The following KCNN2 variants were observed in gnomAD, a reference collection of about 807,000 sequenced individuals.
The protein encoded by KCNN2 is small conductance calcium-activated potassium channel protein 2.
In KCNN2, 24 loss-of-function variants were observed where a neutral mutation model predicts 55.5. That is an observed-to-expected ratio of 0.43 (90% confidence interval 0.31 to 0.61). The LOEUF (loss-of-function observed/expected upper bound fraction) is 0.61, where lower values mean the gene tolerates loss of function less well. Ranked by LOEUF, KCNN2 falls within the 20% of genes least tolerant of loss-of-function variation. The pLI is 0.08. For missense variants in KCNN2, 754 were observed against 853.6 expected (o/e 0.88, Z 1.45); for synonymous variants, 431 against 336.1 (o/e 1.28, Z -3.09).
upstream of KCNN2, among the ~76,000 whole-genome samples, chr5:114,361,766 T>G (rs1457352815): frequency 6.6e-6 from 1 of 151,848 alleles, no homozygotes; most frequent in African/African-American, 2.4e-5. Flanking sequence ...TCTTTTCTCC[T>G]CCCCCTGCAG....
intron 2 of KCNN2, among the ~76,000 whole-genome samples, chr5:114,325,359 C>A (rs1001667872): frequency 6.6e-6 from 1 of 152,166 alleles, no homozygotes; most frequent in Admixed American, 6.5e-5. Flanking sequence ...AATTCTCAAC[C>A]TATCCAGATT....
intron 2 of KCNN2, among the ~76,000 whole-genome samples, chr5:114,288,811 T>C (rs1171592812): frequency 2.6e-5 from 4 of 152,212 alleles, no homozygotes; most frequent in African/African-American, 9.6e-5. Flanking sequence ...ATCCTGTAGG[T>C]TGTCTTTTCA....
At chr5:114,442,060 G>GA (rs1406660301) in intron 3 of KCNN2, among the ~76,000 whole-genome samples, 1 of 151,804 alleles carries the variant, frequency 6.6e-6, no homozygotes, top group African/African-American at 2.4e-5. Context: ...ATTAAAAAGA[G>GA]AAAAAAGCCA....
At chr5:114,108,895 AT>A in intron 1 of KCNN2, among the ~76,000 whole-genome samples, 1 of 152,218 alleles carries the variant, frequency 6.6e-6, no homozygotes, top group South Asian at 2.1e-4. Context: ...AAGTGGAACC[AT>A]TGGGTCATAA....
chr5:114,254,547 G>A (rs986088781), intron 2 of KCNN2, among the ~76,000 whole-genome samples: 2 of 152,168 alleles, frequency 1.3e-5, no homozygotes. Flanking sequence ...GAATGGTTGA[G>A]CTGAAGCAGT....
At chr5:114,482,887 G>T (rs540641244) in intron 5 of KCNN2, among the ~76,000 whole-genome samples, 1 of 152,096 alleles carries the variant, frequency 6.6e-6, no homozygotes, top group African/African-American at 2.4e-5. Flanking sequence ...TGGAGGAGGG[G>T]GTAGGGGGAG....
At chr5:114,319,948 A>G (rs1460264895) in intron 2 of KCNN2, among the ~76,000 whole-genome samples, 1 of 152,220 alleles carries the variant, frequency 6.6e-6, no homozygotes, top group Non-Finnish European at 1.5e-5. Flanking sequence ...CCTTTGATAC[A>G]GAGCTCTGAG....
At chr5:114,265,321 G>A (rs1285594315) in intron 2 of KCNN2, among the ~76,000 whole-genome samples, 1 of 138,880 alleles carries the variant, frequency 7.2e-6, no homozygotes, top group Non-Finnish European at 1.5e-5. Context: ...ACCATCAAGA[G>A]GAGGTGTGTG....
At chr5:114,272,486 T>C (rs1235466221) in intron 2 of KCNN2, among the ~76,000 whole-genome samples, 1 of 151,972 alleles carries the variant, frequency 6.6e-6, no homozygotes, top group Non-Finnish European at 1.5e-5. Context: ...TGTATGTACA[T>C]ATCATATACA....
rs879392203 is a variant in KCNN2, at chr5:114,489,360, ACAAGG to A, written c.2018+2186_2018+2190del. 1.4e-3 allele frequency among the ~76,000 whole-genome samples: 211 copies of A among 152,294 alleles called. 1 individual carries two copies. Among genetic ancestry groups the A allele is most frequent in the Admixed American group, 3.8e-3 (58 of 15,286 alleles). On this transcript the variant is annotated intron_variant, in intron 6 of 7. Coordinates refer to ENST00000673685, the MANE Select transcript of KCNN2 (RefSeq NM_021614.4). ...CCTAAGCAAGTTGCAAATGCACCCT[ACAAGG>A]CATGTCGGCCCTTTCTTAAGGGTGG...
Position 114,155,404 on chromosome 5 carries a change from G to A in KCNN2, c.-270-66076G>A, listed in dbSNP as rs138371396. On this transcript the variant is annotated intron_variant, in intron 1 of 10. Transcript: ENST00000512097. ...TTTATATTTCTTTGGGTGTATACCC[G>A]GTAATGAGATTGCGGGTCAAATGTT... is the stretch of plus-strand genomic sequence containing the variant. Among the ~76,000 whole-genome samples, 66 of 152,174 alleles carry A rather than the reference G, an allele frequency of 4.3e-4. 1 individual carries two copies. The East Asian group carries it at 9.5e-3, about 22-fold the overall frequency.
At chr5:114,432,736 G>T (rs1004391971) in intron 3 of KCNN2, among the ~76,000 whole-genome samples, 2 of 152,196 alleles carry the variant, frequency 1.3e-5, no homozygotes, top group African/African-American at 4.8e-5. Context: ...GCCAGCTGGA[G>T]TTCCGGGTGG....
chr5:114,478,784 A>G (rs942726482), intron 5 of KCNN2, among the ~76,000 whole-genome samples: 1 of 152,162 alleles, frequency 6.6e-6, no homozygotes, highest in Non-Finnish European at 1.5e-5. Flanking sequence ...GAATTTCGTT[A>G]TCTGGCCAAA....
chr5:114,056,098 CAATATTTA>C (rs1229120634), exon 1 of KCNN2: 1 of 353,008 alleles, frequency 2.8e-6, no homozygotes, highest in African/African-American at 2.1e-5. Flanking sequence ...GGATTCGGTT[CAATATTTA>C]GCACAGTCAG....
At chr5:114,378,514 G>T (rs1758009914) in intron 2 of KCNN2, among the ~76,000 whole-genome samples, 1 of 152,198 alleles carries the variant, frequency 6.6e-6, no homozygotes, top group South Asian at 2.1e-4. Context: ...TTTTGTAGGT[G>T]CAAGGCTTTC....
intron 1 of KCNN2, among the ~76,000 whole-genome samples, chr5:114,209,510 G>A (rs979168586): frequency 2.6e-5 from 4 of 152,016 alleles, no homozygotes; most frequent in African/African-American, 9.7e-5. Flanking sequence ...ATTTCAGTAG[G>A]TTTGTGGACT....
rs1750627977 is a variant in KCNN2, at chr5:114,073,927, T to A, written c.-271+17427T>A. On this transcript the variant is annotated intron_variant, in intron 1 of 10. Transcript: ENST00000512097. The stretch of plus-strand genomic sequence containing the variant: ...AATAGACAAAATATGGTTCCCTCAG[T>A]TTTGTACACAGTGACATAGGGTTTC... 2.0e-5 allele frequency among the ~76,000 whole-genome samples: 3 copies of A among 152,146 alleles called. No individual in the cohort carries two copies. In the South Asian group the frequency reaches 6.2e-4, roughly 31 times the overall value.
At chr5:114,440,591 G>A (rs1474861027) in intron 3 of KCNN2, among the ~76,000 whole-genome samples, 2 of 143,638 alleles carry the variant, frequency 1.4e-5, no homozygotes, top group Non-Finnish European at 1.5e-5. Context: ...AAAGAAGGTT[G>A]AACTGAGGAG....
chr5:114,444,461 C>G (rs1760328055), intron 3 of KCNN2, among the ~76,000 whole-genome samples: 1 of 152,020 alleles, frequency 6.6e-6, no homozygotes, highest in Non-Finnish European at 1.5e-5. Context: ...TGAATTGAAA[C>G]TACTTCAGCT....
Sources: gnomAD v4.1 joint callset for allele counts (sites outside exome capture counted in the v4.1 genomes callset) on GRCh38, gnomAD v4.1.1 for gene constraint, MANE v1.5 for transcripts, NCBI Gene and HGNC (gene_info 2026-07-23, HGNC 2026-07-21) for gene names.